The following PACS1 variants were observed in gnomAD, a reference collection of about 807,000 sequenced individuals.
PACS1 encodes PACS-1.
A neutral mutation model predicts 115.0 loss-of-function variants in PACS1; 24 were observed. The ratio of observed to expected loss-of-function variants is 0.21; its 90% confidence interval spans 0.15 to 0.29. The LOEUF is 0.29. Among genes scored for constraint, PACS1 ranks in the 10% least tolerant of loss-of-function variants. The pLI, the probability that PACS1 is intolerant of heterozygous loss-of-function variation, is 1.00. For synonymous variants in PACS1, 453 were observed against 504.5 expected (o/e 0.90, Z 1.37); for missense variants, 838 against 1,251.2 (o/e 0.67, Z 4.98).
chr11:66,235,590 T>G lies in PACS1; in HGVS notation c.2207+187T>G, dbSNP rs1309560010. 1.7e-6 allele frequency: 1 copy of G among 603,186 alleles called. No individual in the cohort carries two copies. The highest frequency in any genetic ancestry group is 3.0e-6 in the Non-Finnish European group (1 of 337,780). 37.4% of individuals were successfully genotyped at this position (603,186 alleles called of 1,614,324 possible). A position where few individuals can be genotyped will look rare whatever the true frequency, so the allele number is the denominator to read the frequency against. ...TTCCTTGCCCAAGGCCTCCCACCCA[T>G]AGGAGCCTGAGTTCATCAGTTTCCT... On this transcript the variant is annotated intron_variant, in intron 18 of 23. Transcript: ENST00000320580. The surrounding 1 kb of genome is among the most constrained non-coding windows in gnomAD (Gnocchi z 5.6).
At chr11:66,177,437 C>T (rs1471267330) in intron 1 of PACS1, among the ~76,000 whole-genome samples, 1 of 152,050 alleles carries the variant, frequency 6.6e-6, no homozygotes, top group Non-Finnish European at 1.5e-5. Flanking sequence ...GTGATCTACC[C>T]GTCTTGGCCT....
At position 66,134,077 on chromosome 11, in the gene PACS1, T is replaced by C. The variant is rs12577589; in HGVS notation, c.357-59409T>C. Among the ~76,000 whole-genome samples the C allele has an allele frequency of 8.3e-3, 1,262 of 151,944 alleles. 86 individuals carry two copies. The East Asian group carries it at 0.17, about 21-fold the overall frequency. On this transcript the variant is annotated intron_variant, in intron 1 of 23. Coordinates refer to ENST00000320580, the MANE Select transcript of PACS1 (RefSeq NM_018026.4). ...GCCTATTCCTGAGGCATTGATCACA[T>C]TGTCATTGTTCCAGGTTCCTCTCTG...
rs1245121162 is a variant in PACS1, at chr11:66,168,864, A to G, written c.357-24622A>G. The stretch of plus-strand genomic sequence containing the variant: ...GTTTAGAAATGCATTTGAGTTTCAG[A>G]AATCTAGCAACCTGGTTAATCTCTC... On this transcript the variant is annotated intron_variant, in intron 1 of 23. Transcript: ENST00000320580. Among the ~76,000 whole-genome samples the G allele has an allele frequency of 2.7e-5, 4 of 150,322 alleles. 1 individual carries two copies. Among genetic ancestry groups the G allele is most frequent in the African/African-American group, 1.0e-4 (4 of 39,666 alleles).
At chr11:66,189,978 T>C (rs1470052081) in intron 1 of PACS1, among the ~76,000 whole-genome samples, 1 of 152,240 alleles carries the variant, frequency 6.6e-6, no homozygotes, top group Non-Finnish European at 1.5e-5. Flanking sequence ...CTGTTTTATC[T>C]GATGTCTACT....
intron 1 of PACS1, among the ~76,000 whole-genome samples, chr11:66,180,440 C>A (rs7935217): frequency 0.024 from 3,575 of 151,858 alleles, 131 homozygotes; most frequent in African/African-American, 0.081. Flanking sequence ...CTGCAACCTC[C>A]CACTCCCTGA....
At chr11:66,092,417 T>C (rs1192521213) in intron 1 of PACS1, among the ~76,000 whole-genome samples, 2 of 152,210 alleles carry the variant, frequency 1.3e-5, no homozygotes, top group Non-Finnish European at 2.9e-5. Flanking sequence ...AGATTCTGGA[T>C]ATTAGCCCTT....
At chr11:66,223,057 A>G (rs1309285159) in intron 10 of PACS1, among the ~76,000 whole-genome samples, 4 of 132,546 alleles carry the variant, frequency 3.0e-5, no homozygotes, top group Non-Finnish European at 6.8e-5. Context: ...CGATTTACAA[A>G]AAAAAAAAAA....
intron 2 of PACS1, among the ~76,000 whole-genome samples, chr11:66,205,560 T>G (rs142647973): frequency 6.6e-6 from 1 of 151,784 alleles, no homozygotes; most frequent in African/African-American, 2.4e-5. Context: ...AATTATTAGT[T>G]AAAAATTGAA....
Position 66,238,366 on chromosome 11 carries a change from TC to T in PACS1, c.2251-434del, listed in dbSNP as rs1257077524. The T allele has an allele frequency of 2.1e-5, 21 of 1,012,402 alleles. No homozygotes were observed. In the South Asian group the frequency reaches 5.4e-4, roughly 26 times the overall value. The allele number at this position is 1,012,402 out of a possible 1,614,324, so 62.7% of individuals were successfully genotyped here. On this transcript the variant is annotated intron_variant, in intron 19 of 23. Transcript: ENST00000320580. The stretch of plus-strand genomic sequence containing the variant: ...AGTGATTCCTGCCTTCAGCCCTTTA[TC>T]CCCAGAGAAGAGCTGCAAAGTCTCG...
At chr11:66,076,307 T>A (rs539046) in intron 1 of PACS1, among the ~76,000 whole-genome samples, 65,101 of 152,106 alleles carry the variant, frequency 0.43, 15,100 homozygotes, top group South Asian at 0.62. Context: ...TCACTGTTGT[T>A]GTAGGTGCTG....
Position 66,233,865 on chromosome 11 carries a change from G to T in PACS1, c.1919G>T (p.Arg640Met). Reference protein sequence around the residue: ...GGQSYLSSILRFFVKSLANKT... With the variant: ...GGQSYLSSILMFFVKSLANKT... ...CAGAGCTACCTGAGCTCCATCCTCA[G>T]GTTCTTTGTCAAGTCCCTGGCCAAC... is the stretch of plus-strand genomic sequence containing the variant. Residue 640 changes from arginine (R) to methionine (M), a missense_variant, in exon 16 of 24, where the codon AGG becomes ATG. Arg to Met is a moderately conservative substitution (Grantham distance 91). Around this residue, in one of 6 missense-constraint regions of PACS1, gnomAD observed 383 missense variants for 537.0 expected, o/e 0.71. Coordinates refer to ENST00000320580, the MANE Select transcript of PACS1 (RefSeq NM_018026.4). This position sits in a 1 kb window ranked among gnomAD's most constrained non-coding sequence, Gnocchi z 4.5. The T allele has an allele frequency of 6.2e-7, 1 of 1,608,530 alleles. No homozygotes were observed. Among genetic ancestry groups the T allele is most frequent in the Non-Finnish European group, 8.5e-7 (1 of 1,177,102 alleles).
chr11:66,209,284 G>A (rs985141725), intron 2 of PACS1, among the ~76,000 whole-genome samples: 1 of 151,694 alleles, frequency 6.6e-6, no homozygotes, highest in Non-Finnish European at 1.5e-5. Flanking sequence ...GTCAGAGGGA[G>A]GATCACTTGA....
At chr11:66,215,928 A>G (rs1855194429) in intron 4 of PACS1, among the ~76,000 whole-genome samples, 191 bp from the exon 5 acceptor site, 1 of 147,474 alleles carries the variant, frequency 6.8e-6, no homozygotes, top group African/African-American at 2.5e-5. Flanking sequence ...AATAATAATA[A>G]TAATAATAAT....
chr11:66,076,556 C>T (rs1857401681), intron 1 of PACS1, among the ~76,000 whole-genome samples: 1 of 152,152 alleles, frequency 6.6e-6, no homozygotes, highest in Non-Finnish European at 1.5e-5. Context: ...CCACACCCAG[C>T]ACATTTTTGT....
chr11:66,161,912 G>A (rs1262468585), intron 1 of PACS1, among the ~76,000 whole-genome samples: 3 of 152,130 alleles, frequency 2.0e-5, no homozygotes, highest in African/African-American at 7.2e-5. Flanking sequence ...ATTGCCATGA[G>A]AGGCAAACAC....
chr11:66,215,908 T>TAATAAA lies in PACS1; in HGVS notation c.661-206_661-205insAAATAA, dbSNP rs1167657817. 2.5e-3 allele frequency among the ~76,000 whole-genome samples: 252 copies of TAATAAA among 99,368 alleles called. 2 individuals carry two copies. The highest frequency in any genetic ancestry group is 0.013 in the South Asian group (39 of 3,064). 65.2% of individuals were successfully genotyped at this position (99,368 alleles called of 152,430 possible). ...GTGAGAGACTCCGTCTCAAAAATAATAATAATAATAATAATAATAATAATA... is the reference window on the plus strand; with the variant it reads ...GTGAGAGACTCCGTCTCAAAAATAATAATAAAAATAATAATAATAATAATAATAATA... On this transcript the variant is annotated intron_variant, in intron 4 of 23. Transcript: ENST00000320580.
chr11:66,209,579 A>G (rs1855023385), intron 2 of PACS1, among the ~76,000 whole-genome samples: 1 of 152,170 alleles, frequency 6.6e-6, no homozygotes, highest in Admixed American at 6.5e-5. Context: ...CTTGATTCAA[A>G]TAAGTACAAT....
intron 11 of PACS1, among the ~76,000 whole-genome samples, 153 bp downstream of exon 11, chr11:66,227,737 AC>A (rs1371722531): frequency 1.3e-5 from 2 of 152,134 alleles, no homozygotes; most frequent in African/African-American, 4.8e-5. Context: ...TGAAATCCTT[AC>A]CCGTGGAATG....
intron 1 of PACS1, among the ~76,000 whole-genome samples, chr11:66,173,101 T>G (rs1033317149): frequency 3.3e-5 from 5 of 150,920 alleles, no homozygotes; most frequent in South Asian, 2.1e-4. Context: ...GTTTTTTTTT[T>G]TTGTTTTTTT....
Sources: gnomAD v4.1 joint callset for allele counts (sites outside exome capture counted in the v4.1 genomes callset) on GRCh38, gnomAD v4.1.1 for gene constraint, gnomAD v4.1.1 regional missense constraint, Gnocchi (gnomAD v3.1) non-coding constraint, MANE v1.5 for transcripts, NCBI Gene and HGNC (gene_info 2026-07-23, HGNC 2026-07-21) for gene names.